The following MAGI1 variants were observed in gnomAD, a reference collection of about 807,000 sequenced individuals.
MAGI1 encodes membrane-associated guanylate kinase, WW and PDZ domain-containing protein 1.
MAGI1 carries 58 observed loss-of-function variants against 139.9 expected under a neutral mutation model. The ratio of observed to expected loss-of-function variants is 0.41; its 90% CI spans 0.34 to 0.52. The LOEUF is 0.52. Among genes scored for constraint, MAGI1 ranks in the 20% least tolerant of loss-of-function variants. The probability of loss-of-function intolerance (pLI) is 0.12; values close to 1 mark genes in which losing one functional copy is unlikely to be tolerated. For missense variants in MAGI1, 1,874 were observed against 1,901.6 expected, an observed-to-expected ratio of 0.99 and a Z score of 0.27; for synonymous variants, 812 against 737.9, an observed-to-expected ratio of 1.10 and a Z score of -1.63.
intron 1 of MAGI1, among the ~76,000 whole-genome samples, chr3:65,847,078 T>C (rs1027370010): frequency 2.6e-5 from 4 of 151,764 alleles, no homozygotes; most frequent in Non-Finnish European, 5.9e-5. Context: ...TCGGTACTTA[T>C]GAAAACACTG....
chr3:65,386,025 G>A (rs1406458107), intron 14 of MAGI1, among the ~76,000 whole-genome samples: 1 of 152,158 alleles, frequency 6.6e-6, no homozygotes, highest in African/African-American at 2.4e-5. Context: ...TAGGTCTGCT[G>A]AGTGTGTGGC....
intron 2 of MAGI1, among the ~76,000 whole-genome samples, chr3:65,510,996 T>C (rs1397544258): frequency 9.6e-5 from 14 of 146,464 alleles, no homozygotes; most frequent in Admixed American, 5.5e-4. Flanking sequence ...TGGGGGCCAA[T>C]ATTCAACATT....
chr3:65,479,734 A>G (rs1951139083), intron 3 of MAGI1, among the ~76,000 whole-genome samples: 1 of 152,194 alleles, frequency 6.6e-6, no homozygotes, highest in South Asian at 2.1e-4. Flanking sequence ...GATGGTAGTA[A>G]TAAGAGTTTC....
intron 1 of MAGI1, among the ~76,000 whole-genome samples, chr3:65,823,705 A>T (rs900007318): frequency 9.9e-5 from 15 of 152,252 alleles, no homozygotes; most frequent in African/African-American, 3.6e-4. Flanking sequence ...AACTGAGAAA[A>T]ATCCTACCCA....
chr3:65,377,069 G>T (rs1559507288), intron 17 of MAGI1, among the ~76,000 whole-genome samples: 2 of 152,188 alleles, frequency 1.3e-5, no homozygotes, highest in Admixed American at 1.3e-4. Context: ...TTTGGAAAGG[G>T]TGACAAATAA....
In MAGI1 at chr3:65,610,742, G is replaced by GTATATACTATATACTATATATACCTA. The variant is rs11276480; in HGVS notation, c.430+11229_430+11230insTAGGTATATATAGTATATAGTATATA. Among the ~76,000 whole-genome samples the GTATATACTATATACTATATATACCTA allele has an allele frequency of 1.6e-5, 2 of 121,334 alleles. 1 individual carries two copies. Among genetic ancestry groups the GTATATACTATATACTATATATACCTA allele is most frequent in the African/African-American group, 6.2e-5 (2 of 32,250 alleles). The allele number at this position is 121,334 out of a possible 152,430, so 79.6% of individuals were successfully genotyped here. ...CATTTAGGTACAAATATAGTATATA[G>GTATATACTATATACTATATATACCTA]TATATATACAGTATATATATAGCAT... On this transcript the variant is annotated intron_variant, in intron 2 of 22. Coordinates refer to ENST00000402939, the MANE Select transcript of MAGI1 (RefSeq NM_001033057.2).
chr3:66,027,080 T>A (rs1458634432), intron 1 of MAGI1, among the ~76,000 whole-genome samples: 2 of 151,608 alleles, frequency 1.3e-5, no homozygotes, highest in East Asian at 1.9e-4. Context: ...TCATCCTGGC[T>A]AACACGGTGA....
At chr3:65,368,078 ATGC>A (rs1287195412) in intron 18 of MAGI1, among the ~76,000 whole-genome samples, 1 of 152,212 alleles carries the variant, frequency 6.6e-6, no homozygotes, top group African/African-American at 2.4e-5. Context: ...ATTTGCTGAA[ATGC>A]TCTCTAGCGC....
chr3:65,429,622 C>T lies in MAGI1; in HGVS notation c.2065G>A (p.Val689Ile), dbSNP rs769754175. The change falls in exon 12 of 23, where the codon GTT becomes ATT. Residue 689 changes from valine (V) to isoleucine (I), a missense_variant. By Grantham distance (29) the Val-to-Ile change is conservative. Around this residue, in one of 5 missense-constraint regions of MAGI1, gnomAD observed 482 missense variants for 509.6 expected, o/e 0.95. Transcript: ENST00000402939. The part of the protein sequence containing the change: ...GLKEGDLIVE[V>I]NKKNVQALTH... Reference sequence around the variant, plus strand: ...AGGGCCTGCACGTTCTTCTTATTAACTTCCACTATGAGATCCCCTTCTTTC... The same window carrying T: ...AGGGCCTGCACGTTCTTCTTATTAATTTCCACTATGAGATCCCCTTCTTTC... 1 of 1,613,974 alleles carries T rather than the reference C, an allele frequency of 6.2e-7. No individual in the cohort carries two copies. Among genetic ancestry groups the T allele is most frequent in the Non-Finnish European group, 8.5e-7 (1 of 1,179,928 alleles).
chr3:65,687,279 T>C, intron 1 of MAGI1: 1 of 196,426 alleles, frequency 5.1e-6, no homozygotes, highest in South Asian at 1.0e-4. Context: ...TTGATGCGGC[T>C]TCCATTTGGA....
In MAGI1 at chr3:65,437,096, TA is replaced by T. The variant is rs546799566; in HGVS notation, c.1363+58del. 8.6e-5 allele frequency: 107 copies of T among 1,247,122 alleles called. 1 individual carries two copies. Among genetic ancestry groups the T allele is most frequent in the Middle Eastern group, 7.7e-4 (4 of 5,170 alleles). 77.3% of individuals were successfully genotyped at this position (1,247,122 alleles called of 1,614,324 possible). A position where few individuals can be genotyped will look rare whatever the true frequency, so the allele number is the denominator to read the frequency against. ...CGAGATTCCACTTTTCAAAATACCT[TA>T]AAAAAAATTAGATTTTGAGCTAAAA... On this transcript the variant is annotated intron_variant, in intron 10 of 22. Coordinates refer to ENST00000402939, the MANE Select transcript of MAGI1 (RefSeq NM_001033057.2).
intron 1 of MAGI1, among the ~76,000 whole-genome samples, chr3:65,926,954 C>G (rs1329407356): frequency 1.3e-5 from 2 of 152,148 alleles, no homozygotes; most frequent in Non-Finnish European, 2.9e-5. Context: ...GAGATTGCGC[C>G]ATTGCACACC....
chr3:65,702,460 G>A (rs1032918773), intron 1 of MAGI1, among the ~76,000 whole-genome samples: 1 of 150,188 alleles, frequency 6.7e-6, no homozygotes, highest in Non-Finnish European at 1.5e-5. Context: ...CGACAGTAAG[G>A]TGTCAATTTT....
At chr3:65,520,958 C>T (rs1176006636) in intron 2 of MAGI1, among the ~76,000 whole-genome samples, 1 of 152,118 alleles carries the variant, frequency 6.6e-6, no homozygotes, top group Non-Finnish European at 1.5e-5. Context: ...CAGTGGAGGG[C>T]AAACTATTAT....
intron 1 of MAGI1, among the ~76,000 whole-genome samples, chr3:65,916,936 C>A (rs565428647): frequency 6.6e-6 from 1 of 152,082 alleles, no homozygotes; most frequent in Non-Finnish European, 1.5e-5. Context: ...TAATCATACA[C>A]GTAATATATT....
At chr3:65,953,799 G>A (rs1050442323) in intron 1 of MAGI1, among the ~76,000 whole-genome samples, 1 of 152,214 alleles carries the variant, frequency 6.6e-6, no homozygotes, top group Non-Finnish European at 1.5e-5. Context: ...CACTGAAAGA[G>A]AGAAGCAGAT....
intron 1 of MAGI1, among the ~76,000 whole-genome samples, chr3:65,747,340 C>A (rs1370421258): frequency 1.3e-5 from 2 of 152,126 alleles, no homozygotes; most frequent in African/African-American, 2.4e-5. Flanking sequence ...AGGCTACAGG[C>A]CTGAAGGCAG....
intron 1 of MAGI1, among the ~76,000 whole-genome samples, chr3:65,738,876 G>A (rs954547475): frequency 3.9e-5 from 6 of 152,174 alleles, no homozygotes; most frequent in African/African-American, 9.7e-5. Context: ...CATATATAGA[G>A]CACAGGCAGA....
intron 1 of MAGI1, among the ~76,000 whole-genome samples, chr3:65,870,455 T>C (rs2059899361): frequency 6.6e-6 from 1 of 152,022 alleles, no homozygotes; most frequent in Non-Finnish European, 1.5e-5. Flanking sequence ...TCTTTCTATC[T>C]ATCCCCTGGC....
Sources: allele counts gnomAD v4.1 joint callset (sites outside exome capture counted in the v4.1 genomes callset), GRCh38; gene constraint gnomAD v4.1.1; regional missense constraint gnomAD v4.1.1; transcripts MANE v1.5; gene names NCBI Gene and HGNC (gene_info 2026-07-23, HGNC 2026-07-21).